The following DPP6 variants were observed in gnomAD, a reference collection of about 807,000 sequenced individuals.
DPP6 encodes dipeptidyl peptidase like 6.
In DPP6, 69 loss-of-function variants were observed where a neutral mutation model predicts 122.6. The observed-to-expected ratio is 0.56, with a 90% CI of 0.46 to 0.69. DPP6 has a LOEUF of 0.69. Among genes scored for constraint, DPP6 ranks in the 30% least tolerant of loss-of-function variants. The pLI is 0.00. For synonymous variants in DPP6, 418 were observed against 433.1 expected, an observed-to-expected ratio of 0.97 and a Z score of 0.43; for missense variants, 928 against 1,116.9, an observed-to-expected ratio of 0.83 and a Z score of 2.41.
At chr7:154,540,661 G>C in intron 4 of DPP6, 35 bp downstream of exon 4, 1 of 1,316,346 alleles carries the variant, frequency 7.6e-7, no homozygotes, top group African/African-American at 1.5e-5. Flanking sequence ...GATAATTTCA[G>C]TTTTTCTTCC....
At chr7:154,239,454 T>A (rs1393098860) in intron 1 of DPP6, among the ~76,000 whole-genome samples, 11 of 152,182 alleles carry the variant, frequency 7.2e-5, no homozygotes, top group Non-Finnish European at 1.0e-4. Context: ...AGGATAAAGA[T>A]CTTTATGGTG....
intron 2 of DPP6, among the ~76,000 whole-genome samples, chr7:154,446,789 A>G (rs544557463): frequency 2.0e-5 from 3 of 152,342 alleles, no homozygotes; most frequent in South Asian, 4.1e-4. Context: ...AAGAAAAGAC[A>G]CTAAAATCCA....
the DPP6 span, among the ~76,000 whole-genome samples, chr7:153,825,174 A>G: frequency 1.5e-4 from 22 of 151,696 alleles, no homozygotes; most frequent in South Asian, 4.4e-3. Context: ...TCTTCCTTTC[A>G]TTTTCTTTGC....
At chr7:154,128,604 T>C (rs1219097381) in intron 1 of DPP6, among the ~76,000 whole-genome samples, 1 of 152,238 alleles carries the variant, frequency 6.6e-6, no homozygotes, top group East Asian at 1.9e-4. Context: ...GGTTTCACCA[T>C]GGTCTGGATC....
chr7:154,631,653 C>T (rs1362488005), intron 5 of DPP6, among the ~76,000 whole-genome samples: 3 of 143,516 alleles, frequency 2.1e-5, no homozygotes, highest in Non-Finnish European at 3.0e-5. Flanking sequence ...GGCAACAGAA[C>T]GAGACTCTGT....
intron 25 of DPP6, chr7:154,890,704 G>A (rs1315428514): frequency 6.6e-6 from 1 of 152,288 alleles, no homozygotes; most frequent in Non-Finnish European, 1.5e-5. Flanking sequence ...GGCCTTCACA[G>A]ACACCCCATG....
intron 1 of DPP6, among the ~76,000 whole-genome samples, chr7:154,012,346 T>G (rs1387114671): frequency 6.6e-6 from 1 of 152,232 alleles, no homozygotes; most frequent in Non-Finnish European, 1.5e-5. Flanking sequence ...AGATGGAAAT[T>G]CTAGAAAATT....
chr7:154,497,949 G>A (rs1310137440), intron 3 of DPP6, among the ~76,000 whole-genome samples: 1 of 152,088 alleles, frequency 6.6e-6, no homozygotes, highest in African/African-American at 2.4e-5. Flanking sequence ...GGTCTTTCCT[G>A]CTCAGCAGGA....
At chr7:154,774,648 C>A (rs1796455421) in intron 10 of DPP6, among the ~76,000 whole-genome samples, 1 of 152,214 alleles carries the variant, frequency 6.6e-6, no homozygotes, top group African/African-American at 2.4e-5. Context: ...AAATGTCACA[C>A]TTTCTCATAC....
intron 1 of DPP6, among the ~76,000 whole-genome samples, chr7:154,255,669 T>G (rs1451602590): frequency 6.6e-6 from 1 of 152,236 alleles, no homozygotes; most frequent in Non-Finnish European, 1.5e-5. Flanking sequence ...CCGCCCTCCC[T>G]GACTAGTACA....
rs188098467 is a variant in DPP6, at chr7:154,005,311, T to C, written c.51+117577T>C. 1.3e-3 allele frequency among the ~76,000 whole-genome samples: 191 copies of C among 152,298 alleles called. 5 individuals carry two copies. The East Asian group carries it at 0.026, about 21-fold the overall frequency. On this transcript the variant is annotated intron_variant, in intron 1 of 25. Coordinates refer to the DPP6 transcript ENST00000404039. Reference sequence around the variant, plus strand: ...AAGTTGGCTGGTCCTATCCAGGGCTTCCCCAGTTGGCCTGGCTTTGCTCAG... The same window carrying C: ...AAGTTGGCTGGTCCTATCCAGGGCTCCCCCAGTTGGCCTGGCTTTGCTCAG...
At chr7:154,627,814 G>A (rs1835179679) in intron 5 of DPP6, among the ~76,000 whole-genome samples, 1 of 152,188 alleles carries the variant, frequency 6.6e-6, no homozygotes, top group Admixed American at 6.5e-5. Context: ...CCAGTGAGAG[G>A]TACAAATGCA....
At chr7:154,538,584 G>A (rs933052766) in intron 3 of DPP6, among the ~76,000 whole-genome samples, 6 of 152,168 alleles carry the variant, frequency 3.9e-5, no homozygotes, top group African/African-American at 1.4e-4. Flanking sequence ...TCCATTGAAG[G>A]CAAACTTGAT....
At chr7:154,373,494 G>T (rs1354062188) in intron 1 of DPP6, among the ~76,000 whole-genome samples, 1 of 152,168 alleles carries the variant, frequency 6.6e-6, no homozygotes, top group Non-Finnish European at 1.5e-5. Flanking sequence ...CTCAGTGTGG[G>T]CTTGGCCTTG....
At chr7:154,848,699 C>A (rs1802137756) in intron 16 of DPP6, among the ~76,000 whole-genome samples, 1 of 152,192 alleles carries the variant, frequency 6.6e-6, no homozygotes, top group East Asian at 1.9e-4. Context: ...GCTTTTGTTG[C>A]CTGTGTCTTT....
the DPP6 span, among the ~76,000 whole-genome samples, chr7:153,770,966 T>C: frequency 6.6e-6 from 1 of 152,224 alleles, no homozygotes; most frequent in South Asian, 2.1e-4. Flanking sequence ...CCATGAGTTA[T>C]GGTACAATGT....
chr7:154,256,998 CTTTTTT>C lies in DPP6; in HGVS notation c.244-189206_244-189201del, dbSNP rs66710949. ...TTTTCTTTTTCTTTTTCTTCTTCTT[CTTTTTT>C]TTTTTTTTTGGAGACAGTGTGTCAC... On this transcript the variant is annotated intron_variant, in intron 1 of 25. Coordinates refer to ENST00000377770, the MANE Select transcript of DPP6 (RefSeq NM_130797.4). 4.6e-3 allele frequency among the ~76,000 whole-genome samples: 608 copies of C among 132,842 alleles called. 3 individuals carry two copies. Among genetic ancestry groups the C allele is most frequent in the Middle Eastern group, 0.012 (3 of 252 alleles). 87.1% of individuals were successfully genotyped at this position (132,842 alleles called of 152,430 possible).
chr7:153,781,977 TACACACACACAC>T, the DPP6 span, among the ~76,000 whole-genome samples: 17 of 89,774 alleles, frequency 1.9e-4, no homozygotes, highest in African/African-American at 4.2e-4. Context: ...CCCCAGAGAA[TACACACACACAC>T]ACACACACAC....
At chr7:154,305,335 T>TTGGGGGCCCCC in intron 1 of DPP6, 2 of 1,024,752 alleles carry the variant, frequency 2.0e-6, no homozygotes, top group Non-Finnish European at 2.4e-6. Flanking sequence ...TCGTCTTGTC[T>TTGGGGGCCCCC]ACCCACCCTC....
Sources: gnomAD v4.1 joint callset for allele counts (sites outside exome capture counted in the v4.1 genomes callset) on GRCh38, gnomAD v4.1.1 for gene constraint, MANE v1.5 for transcripts, NCBI Gene and HGNC (gene_info 2026-07-23, HGNC 2026-07-21) for gene names.